The following PITPNA variants were observed in gnomAD, a reference collection of about 807,000 sequenced individuals.
PITPNA encodes phosphatidylinositol transfer protein alpha isoform.
A neutral mutation model predicts 50.3 loss-of-function variants in PITPNA; 13 were observed. That is an observed-to-expected ratio of 0.26 (90% CI 0.17 to 0.41). The LOEUF is 0.41. Among genes scored for constraint, PITPNA ranks in the 10% least tolerant of loss-of-function variants. The probability of loss-of-function intolerance (pLI) is 1.00; values close to 1 mark genes in which losing one functional copy is unlikely to be tolerated. For missense variants in PITPNA, 207 were observed against 333.4 expected (o/e 0.62, Z 2.95); for synonymous variants, 120 against 119.6 (o/e 1.00, Z -0.02).
chr17:1,552,242 C>T (rs1159195218), intron 3 of PITPNA, among the ~76,000 whole-genome samples: 3 of 152,184 alleles, frequency 2.0e-5, no homozygotes, highest in South Asian at 4.1e-4. Flanking sequence ...TTTTATGTTA[C>T]GTGTACTTTA....
intron 1 of PITPNA, chr17:1,561,293 G>C (rs538967877): frequency 6.6e-6 from 1 of 152,066 alleles, no homozygotes; most frequent in Non-Finnish European, 1.5e-5. Context: ...TGGATTTCAG[G>C]AGCAAACCCG....
chr17:1,553,411 TA>T (rs1806513266), intron 2 of PITPNA, among the ~76,000 whole-genome samples: 1 of 152,184 alleles, frequency 6.6e-6, no homozygotes, highest in South Asian at 2.1e-4. Flanking sequence ...TTTATTTATT[TA>T]TTTTTTTTGG....
intron 4 of PITPNA, among the ~76,000 whole-genome samples, chr17:1,545,605 T>TGGAGC (rs1435579836): frequency 6.6e-6 from 1 of 152,234 alleles, no homozygotes; most frequent in African/African-American, 2.4e-5. Context: ...ATTTTTCCAG[T>TGGAGC]GGAGCTCCAG....
At chr17:1,530,617 C>T (rs898063110) in intron 10 of PITPNA, among the ~76,000 whole-genome samples, 2 of 152,202 alleles carry the variant, frequency 1.3e-5, no homozygotes, top group Non-Finnish European at 2.9e-5. Flanking sequence ...GTCATAATTC[C>T]TATTCCAAGT....
In PITPNA at chr17:1,552,524, G is replaced by A. The variant is rs578175741; in HGVS notation, c.197+480C>T. Reference sequence around the variant, plus strand: ...AGAGAGGTACCAAAATTTCTCTAGCGATCGATTTCACGATATCAGAATTAA... The same window carrying A: ...AGAGAGGTACCAAAATTTCTCTAGCAATCGATTTCACGATATCAGAATTAA... On this transcript the variant is annotated intron_variant, in intron 3 of 11. Coordinates refer to ENST00000313486, the MANE Select transcript of PITPNA (RefSeq NM_006224.4). 1.9e-3 allele frequency among the ~76,000 whole-genome samples: 293 copies of A among 152,140 alleles called. 1 individual carries two copies. Among genetic ancestry groups the A allele is most frequent in the African/African-American group, 6.7e-3 (280 of 41,492 alleles).
At position 1,547,321 on chromosome 17, in the gene PITPNA, G is replaced by T. The variant is rs535467687; in HGVS notation, c.289+975C>A. Among the ~76,000 whole-genome samples, 12 of 152,060 alleles carry T rather than the reference G, an allele frequency of 7.9e-5. No homozygotes were observed. In the East Asian group the frequency reaches 2.1e-3, roughly 27 times the overall value. ...GTTAAGGCTGCAGTGAGCTGTGGTT[G>T]TGCCACTGGACACCAGCCTGGACAA... On this transcript the variant is annotated intron_variant, in intron 4 of 11. Coordinates refer to ENST00000313486, the MANE Select transcript of PITPNA (RefSeq NM_006224.4).
At position 1,558,511 on chromosome 17, in the gene PITPNA, G is replaced by C. The variant is rs528611531; in HGVS notation, c.51+18C>G. 28 of 1,567,972 alleles carry C rather than the reference G, an allele frequency of 1.8e-5. No individual in the cohort carries two copies. The African/African-American group carries it at 3.2e-4, about 18-fold the overall frequency. On this transcript the variant is annotated intron_variant, in intron 2 of 11. Transcript: ENST00000313486. ...AACAGTTACACACAACTATGGACCA[G>C]AAAGTAAAAGGACTTACCTCATCTA...
chr17:1,562,543 C>T lies in PITPNA; in HGVS notation c.18G>A (p.Glu6=), dbSNP rs142675143. The T allele has an allele frequency of 0.03, 42,226 of 1,423,872 alleles. 706 individuals are homozygous for T. Among genetic ancestry groups the T allele is most frequent in the Non-Finnish European group, 0.035 (38,382 of 1,081,478 alleles). The allele number at this position is 1,423,872 out of a possible 1,614,324, so 88.2% of individuals were successfully genotyped here. The change falls in exon 1 of 12, where the codon GAG becomes GAA. Residue 6 remains glutamate, a splice_region_variant and synonymous_variant. Transcript: ENST00000313486. The surrounding 1 kb of genome is among the most constrained non-coding windows in gnomAD (Gnocchi z 6.4). ...CCGCACGGCCGCCGGACACTCACTACTCCTTGAGCAGCACCATGTCGCTTC... is the reference window on the plus strand; with the variant it reads ...CCGCACGGCCGCCGGACACTCACTATTCCTTGAGCAGCACCATGTCGCTTC... MVLLK[E]YRVILPVSVD... is the part of the protein sequence containing the mutation.
intron 10 of PITPNA, among the ~76,000 whole-genome samples, chr17:1,533,348 C>A (rs780717280): frequency 6.6e-6 from 1 of 152,160 alleles, no homozygotes; most frequent in African/African-American, 2.4e-5. Context: ...CCCAGAGCAC[C>A]GCAGCATTGA....
At chr17:1,554,335 C>T (rs978414684) in intron 2 of PITPNA, among the ~76,000 whole-genome samples, 6 of 149,912 alleles carry the variant, frequency 4.0e-5, no homozygotes, top group East Asian at 3.9e-4. Context: ...AGGGTTTCCT[C>T]GAGCTCTATG....
chr17:1,537,517 A>G lies in PITPNA; in HGVS notation c.456+1352T>C, dbSNP rs2075625252. Among the ~76,000 whole-genome samples, 3 of 152,276 alleles carry G rather than the reference A, an allele frequency of 2.0e-5. No individual in the cohort carries two copies. The East Asian group carries it at 5.8e-4, about 29-fold the overall frequency. On this transcript the variant is annotated intron_variant, in intron 7 of 11. Transcript: ENST00000313486. ...CCCAGCCTCTGAGGAGATTATATTT[A>G]TGTGTGCTTTAAAAAATAAATATTC... is the stretch of plus-strand genomic sequence containing the variant.
chr17:1,522,842 T>C (rs894117363), intron 10 of PITPNA, among the ~76,000 whole-genome samples: 4 of 152,218 alleles, frequency 2.6e-5, no homozygotes, highest in African/African-American at 9.6e-5. Flanking sequence ...GGATACAGAA[T>C]GACTGTGGGT....
At position 1,537,330 on chromosome 17, in the gene PITPNA, C is replaced by T. The variant is rs191335083; in HGVS notation, c.456+1539G>A. Among the ~76,000 whole-genome samples, 10 of 151,890 alleles carry T rather than the reference C, an allele frequency of 6.6e-5. No homozygotes were observed. The East Asian group carries it at 1.4e-3, about 21-fold the overall frequency. ...TGCCCACCTTGGCGTCCCAAAGTGC[C>T]GGGATTACAGGTGTGAGCCACCGCA... On this transcript the variant is annotated intron_variant, in intron 7 of 11. Transcript: ENST00000313486.
At position 1,562,363 on chromosome 17, in the gene PITPNA, C is replaced by T. The variant is rs1246160225; in HGVS notation, c.20+178G>A. ...GCCGCCCCTCCGTGCCCCGTGGGCCCCGCCTCACGTGCCGCCCGCCCCGGA... is the reference window on the plus strand; with the variant it reads ...GCCGCCCCTCCGTGCCCCGTGGGCCTCGCCTCACGTGCCGCCCGCCCCGGA... On this transcript the variant is annotated intron_variant, in intron 1 of 11. Coordinates refer to ENST00000313486, the MANE Select transcript of PITPNA (RefSeq NM_006224.4). This position sits in a 1 kb window ranked among gnomAD's most constrained non-coding sequence, Gnocchi z 6.4. Among the ~76,000 whole-genome samples, 2 of 151,184 alleles carry T rather than the reference C, an allele frequency of 1.3e-5. No individual in the cohort carries two copies. The highest frequency in any genetic ancestry group is 1.9e-4 in the East Asian group (1 of 5,134).
Position 1,538,902 on chromosome 17 carries a change from T to G in PITPNA, c.423A>C (p.Ile141=). ...EAWKHVEAVY[I]DIADRSQVLS... ...GCACTTGGCTTCGATCTGCAATGTC[T>G]ATATATACGGCTTCCACGTGTTTCC... Residue 141 remains isoleucine (I), a synonymous_variant, in exon 7 of 12, where the codon ATA becomes ATC. Coordinates refer to ENST00000313486, the MANE Select transcript of PITPNA (RefSeq NM_006224.4). The G allele has an allele frequency of 6.2e-7, 1 of 1,613,818 alleles. No homozygotes were observed. The highest frequency in any genetic ancestry group is 8.5e-7 in the Non-Finnish European group (1 of 1,179,708).
chr17:1,526,222 T>C (rs755309720), intron 10 of PITPNA, among the ~76,000 whole-genome samples: 34 of 152,244 alleles, frequency 2.2e-4, no homozygotes, highest in Non-Finnish European at 4.3e-4. Flanking sequence ...GGTCTAATCA[T>C]GCAGAAACAT....
At position 1,554,317 on chromosome 17, in the gene PITPNA, G is replaced by A. The variant is rs8073896; in HGVS notation, c.52-1168C>T. ...TTACCCAACATGCTGGGGGGTGGAG[G>A]GGGACAAAGGGTTTCCTCGAGCTCT... On this transcript the variant is annotated intron_variant, in intron 2 of 11. Transcript: ENST00000313486. 8.0e-3 allele frequency among the ~76,000 whole-genome samples: 1,217 copies of A among 152,038 alleles called. 17 individuals carry two copies. Among genetic ancestry groups the A allele is most frequent in the African/African-American group, 0.028 (1,142 of 41,438 alleles).
At chr17:1,536,893 G>A (rs1328466628) in intron 7 of PITPNA, among the ~76,000 whole-genome samples, 2 of 126,392 alleles carry the variant, frequency 1.6e-5, no homozygotes, top group Non-Finnish European at 1.7e-5. Flanking sequence ...ATGTCCGGCC[G>A]ATTTTTTTTT....
At chr17:1,550,778 C>T (rs1412252557) in intron 3 of PITPNA, among the ~76,000 whole-genome samples, 1 of 152,134 alleles carries the variant, frequency 6.6e-6, no homozygotes, top group Non-Finnish European at 1.5e-5. Flanking sequence ...TCAGACAGCA[C>T]GGACTTCGTC....
Sources: gnomAD v4.1 joint callset for allele counts (sites outside exome capture counted in the v4.1 genomes callset) on GRCh38, gnomAD v4.1.1 for gene constraint, Gnocchi (gnomAD v3.1) non-coding constraint, MANE v1.5 for transcripts, NCBI Gene and HGNC (gene_info 2026-07-23, HGNC 2026-07-21) for gene names.